Variants in POU2F1 observed in about 807,000 individuals in gnomAD.
The protein encoded by POU2F1 is POU domain, class 2, transcription factor 1.
A neutral mutation model predicts 84.9 loss-of-function variants in POU2F1; 16 were observed. The observed-to-expected ratio is 0.19, with a 90% CI of 0.13 to 0.29. The LOEUF is 0.29. Among genes scored for constraint, POU2F1 ranks in the 10% least tolerant of loss-of-function variants. The pLI is 1.00. For synonymous variants in POU2F1, 368 were observed against 368.3 expected, an observed-to-expected ratio of 1.00 and a Z score of 0.01; for missense variants, 738 against 942.6, an observed-to-expected ratio of 0.78 and a Z score of 2.84.
At chr1:167,254,306 T>C (rs1247687606) in intron 1 of POU2F1, among the ~76,000 whole-genome samples, 7 of 152,234 alleles carry the variant, frequency 4.6e-5, no homozygotes, top group African/African-American at 9.6e-5. Flanking sequence ...ATGTTACTAA[T>C]GTGCTTTAGC....
chr1:167,412,996 A>T (rs574708852), intron 14 of POU2F1, 30 bp from the exon 15 acceptor site: 1 of 1,576,466 alleles, frequency 6.3e-7, no homozygotes, highest in Non-Finnish European at 8.7e-7. Flanking sequence ...TCTGCATGGT[A>T]ATAAAGTGAC....
chr1:167,375,192 A>G (rs1222819244), intron 6 of POU2F1, among the ~76,000 whole-genome samples: 1 of 152,216 alleles, frequency 6.6e-6, no homozygotes, highest in Admixed American at 6.5e-5. Flanking sequence ...TATCCGTCTC[A>G]GAAAAGACTC....
chr1:167,388,309 T>C (rs920284453), intron 8 of POU2F1, among the ~76,000 whole-genome samples: 1 of 152,188 alleles, frequency 6.6e-6, no homozygotes, highest in African/African-American at 2.4e-5. Context: ...TAGCAAAACA[T>C]TTTTTAAAAC....
At position 167,411,117 on chromosome 1, in the gene POU2F1, G is replaced by A. The variant is rs541307101; in HGVS notation, c.1556-842G>A. ...TGCAGTGGCGCAATCTTGGCTCACT[G>A]CAACCTCCGCCTCCCAGGTTCAAGC... On this transcript the variant is annotated intron_variant, in intron 13 of 15. Coordinates refer to ENST00000367866, the MANE Select transcript of POU2F1 (RefSeq NM_002697.4). Among the ~76,000 whole-genome samples, 18 of 150,722 alleles carry A rather than the reference G, an allele frequency of 1.2e-4. No individual in the cohort carries two copies. The South Asian group carries it at 3.8e-3, about 32-fold the overall frequency.
intron 13 of POU2F1, among the ~76,000 whole-genome samples, chr1:167,401,813 T>G (rs1372995360): frequency 6.6e-6 from 1 of 152,248 alleles, no homozygotes; most frequent in Non-Finnish European, 1.5e-5. Flanking sequence ...ACTAGTCTTT[T>G]GCCTACGCAC....
At chr1:167,401,215 C>G (rs935840313) in intron 12 of POU2F1, among the ~76,000 whole-genome samples, 34 of 151,904 alleles carry the variant, frequency 2.2e-4, no homozygotes, top group African/African-American at 8.2e-4. Context: ...TGTTTCTTAC[C>G]GACTTAGAGT....
rs77265182 is a variant in POU2F1, at chr1:167,250,067, A to G, written c.61+29109A>G. On this transcript the variant is annotated intron_variant, in intron 1 of 15. Transcript: ENST00000367866. ...AAAAGGAGCAGTATCTGTAGTATCA[A>G]ATTCTTTTGTGTGTCATTTTTTTTT... Among the ~76,000 whole-genome samples the G allele has an allele frequency of 5.3e-3, 800 of 152,260 alleles. 5 individuals are homozygous for G. Among genetic ancestry groups the G allele is most frequent in the African/African-American group, 0.019 (776 of 41,554 alleles).
At position 167,340,897 on chromosome 1, in the gene POU2F1, T is replaced by G. The variant is rs150640308; in HGVS notation, c.127+8362T>G. Among the ~76,000 whole-genome samples the G allele has an allele frequency of 1.7e-3, 252 of 152,226 alleles. 1 individual carries two copies. Among genetic ancestry groups the G allele is most frequent in the African/African-American group, 5.6e-3 (233 of 41,536 alleles). ...TTCATGAGAAGTATATGTGAACCCATGAGAATTCAGTGTAGGGGAAAAGTG... is the reference window on the plus strand; with the variant it reads ...TTCATGAGAAGTATATGTGAACCCAGGAGAATTCAGTGTAGGGGAAAAGTG... On this transcript the variant is annotated intron_variant, in intron 2 of 15. Transcript: ENST00000367866.
chr1:167,293,055 C>T (rs145481096), intron 1 of POU2F1, among the ~76,000 whole-genome samples: 146 of 152,280 alleles, frequency 9.6e-4, no homozygotes, highest in African/African-American at 3.5e-3. Flanking sequence ...ACATCATACT[C>T]TATGGGAAAA....
chr1:167,317,104 G>C (rs1231985638), intron 1 of POU2F1, among the ~76,000 whole-genome samples: 1 of 152,128 alleles, frequency 6.6e-6, no homozygotes, highest in Non-Finnish European at 1.5e-5. Flanking sequence ...TGTTGGCCAG[G>C]CTGGTCTTGA....
At chr1:167,400,974 AAAAG>A (rs141367108) in intron 12 of POU2F1, among the ~76,000 whole-genome samples, 2,446 of 152,330 alleles carry the variant, frequency 0.016, 24 homozygotes, top group South Asian at 0.027. Flanking sequence ...GATTTGTACT[AAAAG>A]AAAGACAGTA....
intron 2 of POU2F1, among the ~76,000 whole-genome samples, chr1:167,339,926 A>G (rs1270807392): frequency 3.3e-5 from 5 of 152,234 alleles, no homozygotes; most frequent in African/African-American, 1.2e-4. Flanking sequence ...TAAACATTTT[A>G]CATAGATTAT....
chr1:167,270,895 G>A (rs1394864363), intron 1 of POU2F1, among the ~76,000 whole-genome samples: 1 of 152,118 alleles, frequency 6.6e-6, no homozygotes. Context: ...ACTCCTGAAT[G>A]TTTCTCTATG....
chr1:167,355,563 G>C (rs935442441), intron 2 of POU2F1, among the ~76,000 whole-genome samples: 1 of 152,190 alleles, frequency 6.6e-6, no homozygotes, highest in Admixed American at 6.5e-5. Context: ...AATTTATTGA[G>C]ATTTTCATAT....
chr1:167,279,276 T>C (rs1051856814), intron 1 of POU2F1, among the ~76,000 whole-genome samples: 1 of 152,228 alleles, frequency 6.6e-6, no homozygotes, highest in East Asian at 1.9e-4. Context: ...TATAATGTAA[T>C]GCAACTGACC....
At chr1:167,409,774 T>C (rs1649827306) in intron 13 of POU2F1, among the ~76,000 whole-genome samples, 1 of 152,214 alleles carries the variant, frequency 6.6e-6, no homozygotes, top group Non-Finnish European at 1.5e-5. Context: ...TTAAGCCTTT[T>C]GAGCTCAAGA....
At position 167,417,698 on chromosome 1, in the gene POU2F1, G is replaced by T. The variant is rs1007044364; in HGVS notation, c.*1888G>T. On this transcript the variant is annotated 3_prime_UTR_variant, in exon 16 of 16. Transcript: ENST00000367866. ...CCCTTTCGAGCTGGGGATGTAGAGA[G>T]AACTTACAGGTGATTTTTATTCTGA... 1 of 152,162 alleles carries T rather than the reference G, an allele frequency of 6.6e-6. No homozygotes were observed. Among genetic ancestry groups the T allele is most frequent in the African/African-American group, 2.4e-5 (1 of 41,432 alleles). The allele number at this position is 152,162 out of a possible 1,614,324, so 9.4% of individuals were successfully genotyped here.
chr1:167,307,937 T>G (rs1475872163), intron 1 of POU2F1, among the ~76,000 whole-genome samples: 11 of 152,228 alleles, frequency 7.2e-5, no homozygotes, highest in Admixed American at 7.2e-4. Flanking sequence ...TGGAATGTTT[T>G]TGAATTTGGG....
intron 2 of POU2F1, among the ~76,000 whole-genome samples, chr1:167,359,573 A>G (rs190158249): frequency 6.6e-6 from 1 of 152,180 alleles, no homozygotes; most frequent in Non-Finnish European, 1.5e-5. Flanking sequence ...TTCTTTATCT[A>G]ATCCACTGTT....
Sources: allele counts gnomAD v4.1 joint callset (sites outside exome capture counted in the v4.1 genomes callset), GRCh38; gene constraint gnomAD v4.1.1; transcripts MANE v1.5; gene names NCBI Gene and HGNC (gene_info 2026-07-23, HGNC 2026-07-21).